CLIC5: variants seen among roughly 807,000 people sequenced by gnomAD.
CLIC5 encodes CLIC family member 5, also known as chloride intracellular channel protein 5.
A neutral mutation model predicts 24.7 loss-of-function variants in CLIC5; 20 were observed. The observed-to-expected ratio is 0.81, with a 90% CI of 0.57 to 1.18. The LOEUF is 1.18. CLIC5 is among the 50% of genes most tolerant of loss of function. The pLI is 0.00. For synonymous variants in CLIC5, 159 were observed against 135.6 expected (o/e 1.17, Z -1.20); for missense variants, 341 against 326.1 (o/e 1.05, Z -0.35).
intron 4 of CLIC5, among the ~76,000 whole-genome samples, chr6:45,924,078 T>A (rs1254212892): frequency 6.6e-6 from 1 of 152,182 alleles, no homozygotes; most frequent in Non-Finnish European, 1.5e-5. Context: ...GATGCTGATG[T>A]ATGAGAAACA....
chr6:46,006,205 C>T (rs565360451), intron 1 of CLIC5, among the ~76,000 whole-genome samples: 6 of 144,910 alleles, frequency 4.1e-5, no homozygotes, highest in African/African-American at 5.1e-5. Context: ...AGTGCAATGG[C>T]GCAATCTTGG....
At chr6:45,986,318 A>G (rs866223611) in intron 1 of CLIC5, among the ~76,000 whole-genome samples, 1 of 152,198 alleles carries the variant, frequency 6.6e-6, no homozygotes, top group African/African-American at 2.4e-5. Flanking sequence ...GTACCATTGA[A>G]TAAAGCTACC....
At chr6:45,913,904 G>A (rs1179913719) in intron 5 of CLIC5, 2 of 822,858 alleles carry the variant, frequency 2.4e-6, no homozygotes, top group Non-Finnish European at 3.3e-6. Flanking sequence ...GGCCTTTGGA[G>A]TGATATGACT....
At chr6:45,904,768 G>A (rs908959148) in intron 5 of CLIC5, among the ~76,000 whole-genome samples, 2 of 148,388 alleles carry the variant, frequency 1.3e-5, no homozygotes, top group African/African-American at 5.0e-5. Flanking sequence ...GATACAAGGG[G>A]GTACATGTGC....
chr6:45,964,953 T>A (rs1013041059), intron 1 of CLIC5, among the ~76,000 whole-genome samples: 20 of 152,224 alleles, frequency 1.3e-4, no homozygotes, highest in Non-Finnish European at 2.9e-5. Context: ...TTTATACATT[T>A]ACAGCTACTG....
At chr6:46,013,225 G>C (rs912253858) in intron 1 of CLIC5, among the ~76,000 whole-genome samples, 3 of 152,208 alleles carry the variant, frequency 2.0e-5, no homozygotes, top group Admixed American at 1.3e-4. Flanking sequence ...CTGCCCTGCA[G>C]AAAGAGCTTC....
chr6:45,954,359 T>C (rs906730893), intron 2 of CLIC5, among the ~76,000 whole-genome samples: 4 of 150,480 alleles, frequency 2.7e-5, no homozygotes, highest in South Asian at 2.1e-4. Context: ...AGGATACAAA[T>C]TGATGTATGC....
upstream of CLIC5, among the ~76,000 whole-genome samples, chr6:46,081,754 A>G (rs1250270532): frequency 6.6e-6 from 1 of 152,214 alleles, no homozygotes; most frequent in East Asian, 1.9e-4. Flanking sequence ...TTAAACCTAG[A>G]AAGTGGAAGT....
At chr6:46,056,130 T>C (rs1469745880) in intron 1 of CLIC5, among the ~76,000 whole-genome samples, 1 of 152,198 alleles carries the variant, frequency 6.6e-6, no homozygotes, top group Admixed American at 6.5e-5. Context: ...TAGTAAAAAC[T>C]GAGGCACAGA....
At chr6:45,905,407 A>G (rs1581714546) in intron 5 of CLIC5, among the ~76,000 whole-genome samples, 1 of 150,116 alleles carries the variant, frequency 6.7e-6, no homozygotes, top group Non-Finnish European at 1.5e-5. Context: ...CACAATAGCC[A>G]TCCTGACTGG....
chr6:45,912,069 G>T, intron 5 of CLIC5: 2 of 985,854 alleles, frequency 2.0e-6, no homozygotes, highest in Non-Finnish European at 2.4e-6. Context: ...TCTGACGTTC[G>T]CAGGGACTTC....
the CLIC5 span, among the ~76,000 whole-genome samples, chr6:46,113,902 C>G: frequency 2.0e-5 from 3 of 152,088 alleles, no homozygotes; most frequent in African/African-American, 7.2e-5. Flanking sequence ...GGAGAGTGTC[C>G]CTCAGAGGAA....
chr6:45,968,903 G>A (rs1241108837), intron 1 of CLIC5, among the ~76,000 whole-genome samples: 1 of 152,182 alleles, frequency 6.6e-6, no homozygotes, highest in Non-Finnish European at 1.5e-5. Flanking sequence ...AGAGTTCTGC[G>A]TTCCAGACCT....
At chr6:46,085,979 C>T in the CLIC5 span, among the ~76,000 whole-genome samples, 29 of 152,338 alleles carry the variant, frequency 1.9e-4, no homozygotes, top group Non-Finnish European at 3.5e-4. Flanking sequence ...TCGCTGCTGC[C>T]TTCCAGTTTG....
chr6:46,037,591 A>G (rs952114921), intron 1 of CLIC5, among the ~76,000 whole-genome samples: 9 of 152,212 alleles, frequency 5.9e-5, no homozygotes, highest in African/African-American at 1.7e-4. Context: ...TTATTTGGGT[A>G]TGAAGTAAGA....
At chr6:45,881,324 A>G (rs1361331284) in intron 6 of CLIC5, 1 of 393,730 alleles carries the variant, frequency 2.5e-6, no homozygotes. Flanking sequence ...CCCAAATCTT[A>G]ACAGCATTCA....
chr6:46,060,002 G>T (rs1174062175), intron 1 of CLIC5, among the ~76,000 whole-genome samples: 1 of 152,160 alleles, frequency 6.6e-6, no homozygotes, highest in East Asian at 1.9e-4. Flanking sequence ...TATGGTGAGA[G>T]ATAGGGGTCT....
At chr6:45,927,945 G>A (rs530958240) in intron 4 of CLIC5, among the ~76,000 whole-genome samples, 4 of 152,198 alleles carry the variant, frequency 2.6e-5, no homozygotes, top group East Asian at 1.9e-4. Flanking sequence ...AAATGTATTC[G>A]CAAGGTAGAA....
At chr6:45,904,707 C>T (rs960252827) in intron 5 of CLIC5, among the ~76,000 whole-genome samples, 25 of 145,182 alleles carry the variant, frequency 1.7e-4, no homozygotes, top group African/African-American at 5.9e-4. Context: ...CTCTCTCTTT[C>T]TCTCACTCTC....
Sources: gnomAD v4.1 joint callset for allele counts (sites outside exome capture counted in the v4.1 genomes callset) on GRCh38, gnomAD v4.1.1 for gene constraint, MANE v1.5 for transcripts, NCBI Gene and HGNC (gene_info 2026-07-23, HGNC 2026-07-21) for gene names.